NEK11: variants seen among roughly 807,000 people sequenced by gnomAD.
NEK11 encodes serine/threonine-protein kinase Nek11.
Under a neutral mutation model 80.7 loss-of-function variants are expected in NEK11, and 72 were observed. That is an observed-to-expected ratio of 0.89 (90% CI 0.74 to 1.08). NEK11 has a LOEUF of 1.08. NEK11 is among the 50% of genes least tolerant of loss of function. The pLI is 0.00. For synonymous variants in NEK11, 251 were observed against 260.7 expected, an observed-to-expected ratio of 0.96 and a Z score of 0.36; for missense variants, 764 against 763.6, an observed-to-expected ratio of 1.00 and a Z score of -0.01.
At chr3:131,052,166 C>T (rs545469176) in intron 3 of NEK11, among the ~76,000 whole-genome samples, 1 of 143,622 alleles carries the variant, frequency 7.0e-6, no homozygotes, top group South Asian at 2.2e-4. Context: ...TCATATGACA[C>T]AATATCTTGG....
At chr3:131,217,389 CT>C (rs1269134239) in intron 14 of NEK11, among the ~76,000 whole-genome samples, 4 of 152,080 alleles carry the variant, frequency 2.6e-5, no homozygotes, top group Middle Eastern at 3.4e-3. Context: ...TGGTTTTTAT[CT>C]TGTTGGGAGA....
At chr3:131,192,662 C>T (rs1197973542) in intron 14 of NEK11, among the ~76,000 whole-genome samples, 1 of 152,146 alleles carries the variant, frequency 6.6e-6, no homozygotes, top group Admixed American at 6.6e-5. Context: ...AGACATTATG[C>T]TACATGCAAT....
chr3:131,135,879 A>T (rs185379000), intron 7 of NEK11, among the ~76,000 whole-genome samples: 1 of 152,246 alleles, frequency 6.6e-6, no homozygotes, highest in East Asian at 1.9e-4. Context: ...AGATCAGATG[A>T]ATATCTCCTA....
intron 17 of NEK11, among the ~76,000 whole-genome samples, chr3:131,332,667 C>G (rs1028619818): frequency 1.3e-5 from 2 of 152,176 alleles, no homozygotes; most frequent in African/African-American, 4.8e-5. Context: ...TCAAAATACT[C>G]CGAGCTACAG....
chr3:131,170,684 A>T, intron 13 of NEK11, 89 bp from the exon 14 acceptor site: 1 of 838,382 alleles, frequency 1.2e-6, no homozygotes, highest in Non-Finnish European at 2.0e-6. Flanking sequence ...GTTTCCAAGT[A>T]GTCTTCTAAA....
At chr3:131,075,714 G>T (rs952079735) in intron 3 of NEK11, among the ~76,000 whole-genome samples, 1 of 152,188 alleles carries the variant, frequency 6.6e-6, no homozygotes, top group African/African-American at 2.4e-5. Flanking sequence ...ACCTTTGGAG[G>T]TTTGGCTTTC....
intron 15 of NEK11, among the ~76,000 whole-genome samples, chr3:131,238,352 A>AT (rs1294373896): frequency 1.6e-4 from 25 of 151,926 alleles, no homozygotes; most frequent in Middle Eastern, 3.4e-3. Flanking sequence ...CAGATATTCT[A>AT]TTTTTTTTCA....
At chr3:131,129,068 T>TG (rs1452209731) in intron 5 of NEK11, among the ~76,000 whole-genome samples, 2 of 149,604 alleles carry the variant, frequency 1.3e-5, no homozygotes, top group Non-Finnish European at 3.0e-5. Context: ...TTTTTTTTTT[T>TG]TTTGAGACTG....
intron 14 of NEK11, among the ~76,000 whole-genome samples, chr3:131,185,563 A>G (rs540474162): frequency 4.6e-5 from 7 of 152,262 alleles, no homozygotes; most frequent in Non-Finnish European, 7.4e-5. Context: ...CTGATCCCCA[A>G]TATCTTACAG....
intron 3 of NEK11, among the ~76,000 whole-genome samples, chr3:131,042,210 T>G (rs993201710): frequency 8.8e-6 from 1 of 113,928 alleles, no homozygotes; most frequent in African/African-American, 2.5e-5. Context: ...TTTTGTTTTT[T>G]GTTTTTTTTT....
intron 10 of NEK11, among the ~76,000 whole-genome samples, chr3:131,161,356 C>T (rs889911519): frequency 1.3e-5 from 2 of 152,094 alleles, no homozygotes; most frequent in African/African-American, 2.4e-5. Context: ...GAATATAAAT[C>T]ATTCTATCAT....
intron 16 of NEK11, among the ~76,000 whole-genome samples, chr3:131,269,847 A>C (rs1444160525): frequency 6.6e-6 from 1 of 152,232 alleles, no homozygotes; most frequent in Non-Finnish European, 1.5e-5. Flanking sequence ...AGGAGCCCAC[A>C]CATGGGGTTT....
intron 15 of NEK11, among the ~76,000 whole-genome samples, chr3:131,232,142 T>G (rs1419826890): frequency 1.3e-5 from 2 of 152,194 alleles, no homozygotes; most frequent in Non-Finnish European, 2.9e-5. Flanking sequence ...GCCATTATCA[T>G]ATTGTTGATG....
intron 14 of NEK11, among the ~76,000 whole-genome samples, chr3:131,191,625 T>G (rs2093799872): frequency 6.6e-6 from 1 of 152,108 alleles, no homozygotes; most frequent in Admixed American, 6.6e-5. Flanking sequence ...ATTCAAAAAC[T>G]CTGGGGATTA....
At chr3:131,332,819 T>C (rs1181491779) in intron 17 of NEK11, among the ~76,000 whole-genome samples, 2 of 152,018 alleles carry the variant, frequency 1.3e-5, no homozygotes, top group Non-Finnish European at 2.9e-5. Flanking sequence ...GCGTGAAGAA[T>C]GCAGAAGCCT....
At chr3:131,142,413 A>T (rs1162579021) in intron 7 of NEK11, among the ~76,000 whole-genome samples, 1 of 151,020 alleles carries the variant, frequency 6.6e-6, no homozygotes, top group Non-Finnish European at 1.5e-5. Context: ...ACATTCTACT[A>T]CTTTTGATGT....
intron 4 of NEK11, among the ~76,000 whole-genome samples, chr3:131,081,015 C>T (rs2075179391): frequency 6.6e-6 from 1 of 152,112 alleles, no homozygotes. Context: ...GAGACTGAGG[C>T]AGGAGGATTG....
chr3:131,146,198 G>A (rs185967835), intron 7 of NEK11, among the ~76,000 whole-genome samples: 2 of 152,096 alleles, frequency 1.3e-5, no homozygotes, highest in African/African-American at 4.8e-5. Context: ...AGAACAGAGT[G>A]TGTAGGTGCT....
intron 17 of NEK11, among the ~76,000 whole-genome samples, chr3:131,339,307 C>G (rs935991621): frequency 2.0e-5 from 3 of 152,150 alleles, no homozygotes; most frequent in African/African-American, 7.2e-5. Flanking sequence ...TTCCTGAGCT[C>G]TCACTTATAA....
Sources: gnomAD v4.1 joint callset for allele counts (sites outside exome capture counted in the v4.1 genomes callset) on GRCh38, gnomAD v4.1.1 for gene constraint, MANE v1.5 for transcripts, NCBI Gene and HGNC (gene_info 2026-07-23, HGNC 2026-07-21) for gene names.